Variants in PARD3 observed in about 807,000 individuals in gnomAD.
PARD3 encodes par-3 family cell polarity regulator.
In PARD3, 75 loss-of-function variants were observed where a neutral mutation model predicts 155.4. The ratio of observed to expected loss-of-function variants is 0.48; its 90% CI spans 0.40 to 0.58. PARD3 has a LOEUF of 0.58. Among genes scored for constraint, PARD3 ranks in the 20% least tolerant of loss-of-function variants. PARD3 has a pLI of 0.00. For synonymous variants in PARD3, 576 were observed against 610.5 expected (o/e 0.94, Z 0.83); for missense variants, 1,642 against 1,721.7 (o/e 0.95, Z 0.82).
At chr10:34,470,800 G>A (rs943349281) in intron 3 of PARD3, among the ~76,000 whole-genome samples, 8 of 151,994 alleles carry the variant, frequency 5.3e-5, no homozygotes, top group Admixed American at 5.2e-4. Flanking sequence ...CATATCTACT[G>A]TAATAAAAAC....
intron 2 of PARD3, among the ~76,000 whole-genome samples, chr10:34,634,629 A>G (rs546583301): frequency 3.3e-5 from 5 of 151,910 alleles, no homozygotes; most frequent in African/African-American, 7.3e-5. Context: ...AAACAAAAAC[A>G]GGGCAAAAAA....
intron 1 of PARD3, among the ~76,000 whole-genome samples, chr10:34,785,268 A>G (rs560653144): frequency 1.3e-5 from 2 of 152,344 alleles, no homozygotes; most frequent in South Asian, 4.1e-4. Flanking sequence ...TGGTTTTTCA[A>G]ATCTCAAAAA....
intron 2 of PARD3, among the ~76,000 whole-genome samples, chr10:34,570,135 A>T (rs184411961): frequency 6.6e-6 from 1 of 152,300 alleles, no homozygotes; most frequent in East Asian, 1.9e-4. Context: ...TTACTCTCCC[A>T]GTTCTGGCCA....
At chr10:34,560,927 C>T (rs144389287) in intron 2 of PARD3, among the ~76,000 whole-genome samples, 61 of 152,294 alleles carry the variant, frequency 4.0e-4, no homozygotes, top group African/African-American at 1.4e-3. Context: ...TTTCAAACTG[C>T]TCTCAGACCT....
At chr10:34,718,721 G>A (rs908312038) in intron 1 of PARD3, among the ~76,000 whole-genome samples, 6 of 152,192 alleles carry the variant, frequency 3.9e-5, no homozygotes, top group Non-Finnish European at 7.3e-5. Context: ...CCAGCACTTC[G>A]GGAGGCCGAG....
chr10:34,553,341 A>C (rs1000595586), intron 2 of PARD3, among the ~76,000 whole-genome samples: 1 of 152,198 alleles, frequency 6.6e-6, no homozygotes, highest in African/African-American at 2.4e-5. Context: ...CCACACAAAA[A>C]TATGTCCTGG....
chr10:34,540,251 A>C (rs765425207), intron 2 of PARD3, among the ~76,000 whole-genome samples: 2 of 152,182 alleles, frequency 1.3e-5, no homozygotes, highest in Non-Finnish European at 2.9e-5. Flanking sequence ...TGTCTTGCAC[A>C]TAGTAGGTAC....
intron 2 of PARD3, among the ~76,000 whole-genome samples, chr10:34,569,404 G>A (rs1229450539): frequency 3.3e-5 from 5 of 152,068 alleles, no homozygotes; most frequent in African/African-American, 1.2e-4. Flanking sequence ...ATAACACTGT[G>A]TTACACGTGA....
intron 20 of PARD3, 125 bp from the exon 21 acceptor site, chr10:34,284,370 T>G (rs1231844087): frequency 3.5e-6 from 2 of 577,576 alleles, no homozygotes; most frequent in Non-Finnish European, 6.0e-6. Flanking sequence ...AGGTGTCTTC[T>G]GCAGTCAGTA....
At chr10:34,562,128 A>G (rs2085535459) in intron 2 of PARD3, among the ~76,000 whole-genome samples, 2 of 129,258 alleles carry the variant, frequency 1.5e-5, no homozygotes, top group Non-Finnish European at 3.1e-5. Flanking sequence ...TGTCTCAAAA[A>G]AAAAAAAAAA....
chr10:34,449,311 T>C (rs1458907699), intron 5 of PARD3, among the ~76,000 whole-genome samples: 1 of 151,878 alleles, frequency 6.6e-6, no homozygotes, highest in African/African-American at 2.4e-5. Flanking sequence ...TTTTTATCTG[T>C]CAATTATACT....
At chr10:34,398,042 T>A (rs1292591695) in intron 7 of PARD3, among the ~76,000 whole-genome samples, 1 of 152,142 alleles carries the variant, frequency 6.6e-6, no homozygotes, top group Non-Finnish European at 1.5e-5. Context: ...AAAAAGAATT[T>A]TAAAGAGAAT....
chr10:34,450,539 G>A, intron 4 of PARD3, 91 bp from the exon 5 acceptor site: 1 of 1,180,088 alleles, frequency 8.5e-7, no homozygotes. Context: ...GCAGAAAAAT[G>A]ATTCTACATA....
intron 2 of PARD3, among the ~76,000 whole-genome samples, chr10:34,644,010 T>C (rs1388853080): frequency 6.6e-6 from 1 of 152,218 alleles, no homozygotes; most frequent in African/African-American, 2.4e-5. Flanking sequence ...TGCACACATG[T>C]GTATGCGTGT....
chr10:34,597,018 T>C (rs1445774857), intron 2 of PARD3, among the ~76,000 whole-genome samples: 4 of 152,074 alleles, frequency 2.6e-5, no homozygotes, highest in Non-Finnish European at 4.4e-5. Flanking sequence ...AAAGAAACAC[T>C]GAAAACTACA....
chr10:34,785,991 A>G (rs185705055), intron 1 of PARD3, among the ~76,000 whole-genome samples: 46 of 152,282 alleles, frequency 3.0e-4, no homozygotes, highest in African/African-American at 1.0e-3. Context: ...CTGTCTCAAA[A>G]AAAAGGAACA....
At chr10:34,312,174 C>A (rs1957734604) in intron 20 of PARD3, 6 of 1,116,404 alleles carry the variant, frequency 5.4e-6, no homozygotes, top group Non-Finnish European at 6.2e-6. Flanking sequence ...AAATCAAGAT[C>A]CAAAAGTTCC....
intron 12 of PARD3, among the ~76,000 whole-genome samples, chr10:34,370,265 G>A (rs531055660): frequency 2.4e-4 from 37 of 152,126 alleles, no homozygotes; most frequent in African/African-American, 8.4e-4. Flanking sequence ...CTTTTTTAAG[G>A]TGACTCCCAG....
intron 3 of PARD3, among the ~76,000 whole-genome samples, chr10:34,486,443 T>C (rs1373679187): frequency 1.3e-5 from 2 of 152,134 alleles, no homozygotes; most frequent in Non-Finnish European, 2.9e-5. Context: ...CCTGGCCAGA[T>C]GAATGGGGCA....
Sources: allele counts gnomAD v4.1 joint callset (sites outside exome capture counted in the v4.1 genomes callset), GRCh38; gene constraint gnomAD v4.1.1; transcripts MANE v1.5; gene names NCBI Gene and HGNC (gene_info 2026-07-23, HGNC 2026-07-21).